The following ALG9 variants were observed in gnomAD, a reference collection of about 807,000 sequenced individuals.
ALG9 encodes alpha-1,2-mannosyltransferase ALG9.
A neutral mutation model predicts 81.8 loss-of-function variants in ALG9; 55 were observed. The ratio of observed to expected loss-of-function variants is 0.67; its 90% CI spans 0.54 to 0.84. The LOEUF is 0.84. Among genes scored for constraint, ALG9 ranks in the 40% least tolerant of loss-of-function variants. The probability of loss-of-function intolerance (pLI) is 0.00; values close to 1 mark genes in which losing one functional copy is unlikely to be tolerated. For missense variants in ALG9, 629 were observed against 745.0 expected (o/e 0.84, Z 1.81); for synonymous variants, 278 against 274.3 (o/e 1.01, Z -0.13).
chr11:111,833,322 T>C (rs1276274174), intron 13 of ALG9, among the ~76,000 whole-genome samples: 1 of 152,210 alleles, frequency 6.6e-6, no homozygotes, highest in Non-Finnish European at 1.5e-5. Flanking sequence ...TTGGCAATCT[T>C]GGCATGTACC....
intron 13 of ALG9, among the ~76,000 whole-genome samples, chr11:111,824,502 C>T (rs1477096774): frequency 2.0e-5 from 3 of 151,998 alleles, no homozygotes; most frequent in Non-Finnish European, 4.4e-5. Context: ...TTATGATGGA[C>T]AATATCAGAT....
intron 5 of ALG9, among the ~76,000 whole-genome samples, chr11:111,860,092 G>A (rs1417894576): frequency 1.3e-5 from 2 of 152,150 alleles, no homozygotes; most frequent in East Asian, 3.9e-4. Flanking sequence ...TGTATCATCA[G>A]TAGAAAACAG....
At chr11:111,819,166 T>C (rs1261446952) in intron 13 of ALG9, among the ~76,000 whole-genome samples, 1 of 152,254 alleles carries the variant, frequency 6.6e-6, no homozygotes, top group Non-Finnish European at 1.5e-5. Flanking sequence ...GAATGCCATG[T>C]GGGGACAAGG....
intron 12 of ALG9, chr11:111,836,828 G>A (rs979344677): frequency 2.9e-5 from 5 of 169,964 alleles, no homozygotes; most frequent in Middle Eastern, 3.1e-3. Context: ...TCTTTATGAA[G>A]CATAAGAAAC....
At chr11:111,812,540 C>G (rs577763909) in intron 13 of ALG9, among the ~76,000 whole-genome samples, 9 of 152,180 alleles carry the variant, frequency 5.9e-5, no homozygotes, top group Admixed American at 1.3e-4. Flanking sequence ...GCATTCCAGC[C>G]TGGGTGACAC....
intron 1 of ALG9, chr11:111,870,926 T>C (rs1392948427): frequency 1.0e-6 from 1 of 1,003,390 alleles, no homozygotes; most frequent in East Asian, 1.1e-4. Flanking sequence ...ACAGCTCCCT[T>C]AATGCAGTTC....
the ALG9 span, among the ~76,000 whole-genome samples, chr11:111,775,559 C>T: frequency 6.6e-6 from 1 of 152,132 alleles, no homozygotes; most frequent in Non-Finnish European, 1.5e-5. Context: ...GGACACTCTC[C>T]AGGCTGTGGT....
At chr11:111,853,268 T>C in intron 8 of ALG9, 112 bp downstream of exon 8, 2 of 774,946 alleles carry the variant, frequency 2.6e-6, no homozygotes, top group South Asian at 1.5e-5. Context: ...GAAAAGATAA[T>C]ATCAGCCAAG....
chr11:111,810,647 T>C (rs1555090448), intron 13 of ALG9, among the ~76,000 whole-genome samples: 1 of 152,150 alleles, frequency 6.6e-6, no homozygotes, highest in African/African-American at 2.4e-5. Context: ...TTCCAACTAC[T>C]CAGGAGGCTG....
chr11:111,789,317 T>C (rs1441737732), intron 14 of ALG9, among the ~76,000 whole-genome samples: 1 of 151,986 alleles, frequency 6.6e-6, no homozygotes, highest in Non-Finnish European at 1.5e-5. Flanking sequence ...AGTGGCATGA[T>C]CATAGTTCAC....
chr11:111,845,665 T>C (rs1298760569), intron 8 of ALG9, among the ~76,000 whole-genome samples: 3 of 152,326 alleles, frequency 2.0e-5, no homozygotes, highest in African/African-American at 7.2e-5. Flanking sequence ...TTCCCCTCTG[T>C]ATGATTACTT....
At chr11:111,826,099 T>TA (rs1555108212) in intron 13 of ALG9, among the ~76,000 whole-genome samples, 5 of 147,106 alleles carry the variant, frequency 3.4e-5, no homozygotes, top group Non-Finnish European at 6.0e-5. Context: ...ATAATAATAA[T>TA]ATGCGGCCAG....
At chr11:111,837,976 G>C (rs1365796750) in intron 11 of ALG9, among the ~76,000 whole-genome samples, 1 of 151,942 alleles carries the variant, frequency 6.6e-6, no homozygotes, top group Non-Finnish European at 1.5e-5. Context: ...TAAGTTTAAG[G>C]CTTCCTTAAT....
intron 13 of ALG9, among the ~76,000 whole-genome samples, chr11:111,813,724 A>G (rs2136470247): frequency 6.6e-6 from 1 of 152,338 alleles, no homozygotes; most frequent in Admixed American, 6.5e-5. Context: ...GAATAAACTG[A>G]AATGGCCACA....
chr11:111,770,854 C>T, the ALG9 span: 4 of 152,348 alleles, frequency 2.6e-5, no homozygotes, highest in African/African-American at 9.7e-5. Context: ...CCACACACAC[C>T]CCACAAGAAA....
chr11:111,823,052 T>C (rs1555105471), intron 13 of ALG9, among the ~76,000 whole-genome samples: 1 of 152,158 alleles, frequency 6.6e-6, no homozygotes, highest in East Asian at 1.9e-4. Context: ...AGAAGCTCTG[T>C]ATTTTCTGCC....
At chr11:111,846,474 C>T (rs1264604854) in intron 8 of ALG9, among the ~76,000 whole-genome samples, 1 of 152,230 alleles carries the variant, frequency 6.6e-6, no homozygotes, top group African/African-American at 2.4e-5. Flanking sequence ...ACTATACCCT[C>T]CTGTTACAGC....
intron 14 of ALG9, among the ~76,000 whole-genome samples, chr11:111,803,373 T>C (rs1555082114): frequency 6.6e-6 from 1 of 151,674 alleles, no homozygotes; most frequent in Non-Finnish European, 1.5e-5. Context: ...TGGTGGCACG[T>C]GCCTGTAATC....
In ALG9 at chr11:111,870,382, C is replaced by CAAAAAA. The variant is rs60312459; in HGVS notation, c.132-18_132-13dup. ...TGTTCCCAGATAACCTGTTCAAAAG[C>CAAAAAA]AAAAAAAAAAAAAAAAAAAAAAGCA... On this transcript the variant is annotated splice_polypyrimidine_tract_variant and intron_variant, in intron 1 of 14. Coordinates refer to ENST00000616540, the MANE Select transcript of ALG9 (RefSeq NM_024740.2). The CAAAAAA allele has an allele frequency of 1.1e-3, 1,033 of 973,440 alleles. No individual in the cohort carries two copies. The highest frequency in any genetic ancestry group is 4.9e-3 in the South Asian group (212 of 42,868). 60.3% of individuals were successfully genotyped at this position (973,440 alleles called of 1,614,324 possible).
Sources: allele counts gnomAD v4.1 joint callset (sites outside exome capture counted in the v4.1 genomes callset), GRCh38; gene constraint gnomAD v4.1.1; transcripts MANE v1.5; gene names NCBI Gene and HGNC (gene_info 2026-07-23, HGNC 2026-07-21).